ASZ1: variants seen among roughly 807,000 people sequenced by gnomAD.
ASZ1 encodes the protein ankyrin repeat, SAM and basic leucine zipper domain-containing protein 1.
ASZ1 carries 67 observed loss-of-function variants against 61.8 expected under a neutral mutation model. That is an observed-to-expected ratio of 1.08 (90% CI 0.89 to 1.33). ASZ1 has a LOEUF of 1.33. ASZ1 is among the 40% of genes most tolerant of loss of function. The pLI is 0.00. For missense variants in ASZ1, 577 were observed against 554.5 expected (o/e 1.04, Z -0.41); for synonymous variants, 193 against 192.7 (o/e 1.00, Z -0.01).
At chr7:117,373,343 G>A (rs545513705) in intron 10 of ASZ1, among the ~76,000 whole-genome samples, 1 of 151,904 alleles carries the variant, frequency 6.6e-6, no homozygotes, top group Non-Finnish European at 1.5e-5. Context: ...CAAGTAGATG[G>A]GACTACAGGC....
chr7:117,370,526 A>G (rs1248881862), intron 10 of ASZ1, among the ~76,000 whole-genome samples: 1 of 152,206 alleles, frequency 6.6e-6, no homozygotes, highest in Admixed American at 6.6e-5. Context: ...AAGCCAATTT[A>G]CAGTAGAAAC....
chr7:117,421,608 A>G (rs1237517551), intron 3 of ASZ1, among the ~76,000 whole-genome samples: 1 of 152,230 alleles, frequency 6.6e-6, no homozygotes, highest in Non-Finnish European at 1.5e-5. Flanking sequence ...AAATTTATGT[A>G]AAATATATAA....
At chr7:117,421,407 G>T (rs1475924865) in intron 3 of ASZ1, among the ~76,000 whole-genome samples, 1 of 152,188 alleles carries the variant, frequency 6.6e-6, no homozygotes, top group Admixed American at 6.5e-5. Context: ...TAGAGACAAA[G>T]TCTCACTATG....
At chr7:117,381,728 G>A (rs939372630) in intron 8 of ASZ1, among the ~76,000 whole-genome samples, 7 of 152,236 alleles carry the variant, frequency 4.6e-5, no homozygotes, top group East Asian at 3.9e-4. Context: ...AAACATTAGA[G>A]CAAGAATCTG....
intron 10 of ASZ1, among the ~76,000 whole-genome samples, chr7:117,374,437 C>T (rs1399726926): frequency 6.6e-6 from 1 of 152,126 alleles, no homozygotes; most frequent in Admixed American, 6.5e-5. Context: ...ATTCTGATAA[C>T]TTAGCCAGGT....
chr7:117,370,364 C>T (rs17139754), intron 10 of ASZ1, among the ~76,000 whole-genome samples: 3,466 of 152,074 alleles, frequency 0.023, 131 homozygotes, highest in African/African-American at 0.079. Flanking sequence ...CTAAAGGAAA[C>T]GTAGCCTGAG....
At chr7:117,373,091 A>C (rs1481935255) in intron 10 of ASZ1, among the ~76,000 whole-genome samples, 1 of 152,130 alleles carries the variant, frequency 6.6e-6, no homozygotes, top group African/African-American at 2.4e-5. Context: ...CATAGTTTTG[A>C]GATGCTTCTG....
At position 117,383,041 on chromosome 7, in the gene ASZ1, T is replaced by C. The variant is rs777369831; in HGVS notation, c.757A>G (p.Thr253Ala). The change falls in exon 7 of 13, where the codon ACT (threonine) becomes GCT (alanine). Residue 253 changes from threonine to alanine, a missense_variant. Transcript: ENST00000284629. ...GKLQQLTKED[T>A]ICKILTTDSD... ...TCTGTTGTCAATATTTTACAAATAG[T>C]GTCTTCTTTAGTTAGCTGTTGAAGT... 2.5e-6 allele frequency: 4 copies of C among 1,590,394 alleles called. No homozygotes were observed. The highest frequency in any genetic ancestry group is 3.4e-6 in the Non-Finnish European group (4 of 1,170,372).
intron 4 of ASZ1, among the ~76,000 whole-genome samples, chr7:117,393,731 C>G (rs1278056482): frequency 6.6e-6 from 1 of 152,120 alleles, no homozygotes; most frequent in Non-Finnish European, 1.5e-5. Flanking sequence ...ATTAATATGG[C>G]TGGACTTATT....
Position 117,383,804 on chromosome 7 carries a change from T to C in ASZ1, c.688-694A>G, listed in dbSNP as rs558264451. 2.0e-5 allele frequency among the ~76,000 whole-genome samples: 3 copies of C among 152,164 alleles called. No homozygotes were observed. The East Asian group carries it at 5.8e-4, about 29-fold the overall frequency. On this transcript the variant is annotated intron_variant, in intron 6 of 12. Coordinates refer to ENST00000284629, the MANE Select transcript of ASZ1 (RefSeq NM_130768.3). The stretch of plus-strand genomic sequence containing the variant: ...CTCTACATTTAACAATGTAATAAAA[T>C]AATTTTAAGTTTTTGAATTTTCAAA...
At chr7:117,425,124 A>G (rs1035221775) in intron 2 of ASZ1, among the ~76,000 whole-genome samples, 1 of 152,232 alleles carries the variant, frequency 6.6e-6, no homozygotes, top group African/African-American at 2.4e-5. Flanking sequence ...ATTCTAGCAT[A>G]GAAGAAAAAC....
At chr7:117,411,118 G>C (rs1796881360) in intron 4 of ASZ1, among the ~76,000 whole-genome samples, 2 of 151,730 alleles carry the variant, frequency 1.3e-5, no homozygotes, top group Admixed American at 1.3e-4. Flanking sequence ...TGAAAAATTA[G>C]TGCCAAGAGC....
At chr7:117,397,226 G>A (rs1207305348) in intron 4 of ASZ1, among the ~76,000 whole-genome samples, 3 of 151,624 alleles carry the variant, frequency 2.0e-5, no homozygotes, top group African/African-American at 7.3e-5. Flanking sequence ...GAACCGAACC[G>A]AACCGAACCG....
At chr7:117,417,102 C>A (rs900510782) in intron 4 of ASZ1, among the ~76,000 whole-genome samples, 10 of 152,024 alleles carry the variant, frequency 6.6e-5, no homozygotes, top group African/African-American at 2.4e-4. Context: ...GAAACTGAGA[C>A]TTCAATCTCA....
chr7:117,422,180 T>C, intron 3 of ASZ1, 57 bp downstream of exon 3: 1 of 1,569,110 alleles, frequency 6.4e-7, no homozygotes, highest in East Asian at 2.2e-5. Flanking sequence ...TAATAGCTAC[T>C]TGGAAACCAA....
At chr7:117,368,784 G>T (rs1220323247) in intron 10 of ASZ1, 67 bp from the exon 11 acceptor site, 2 of 1,588,448 alleles carry the variant, frequency 1.3e-6, no homozygotes, top group African/African-American at 2.7e-5. Flanking sequence ...ATTCTACTAG[G>T]CAAGTTACTG....
intron 12 of ASZ1, among the ~76,000 whole-genome samples, chr7:117,364,796 A>G (rs1030592863): frequency 1.3e-5 from 2 of 152,178 alleles, no homozygotes; most frequent in Non-Finnish European, 2.9e-5. Flanking sequence ...TCATTCAGCA[A>G]CAGATTCCTT....
chr7:117,388,618 A>G (rs1028134764), intron 4 of ASZ1, among the ~76,000 whole-genome samples: 1 of 152,200 alleles, frequency 6.6e-6, no homozygotes, highest in Non-Finnish European at 1.5e-5. Flanking sequence ...ACACTCAGCA[A>G]CATAGGAATA....
chr7:117,393,211 G>A (rs555512627), intron 4 of ASZ1, among the ~76,000 whole-genome samples: 24 of 151,964 alleles, frequency 1.6e-4, no homozygotes, highest in Non-Finnish European at 3.1e-4. Flanking sequence ...AACTTCTGTT[G>A]AAAATAATCC....
Sources: allele counts gnomAD v4.1 joint callset (sites outside exome capture counted in the v4.1 genomes callset), GRCh38; gene constraint gnomAD v4.1.1; transcripts MANE v1.5; gene names NCBI Gene and HGNC (gene_info 2026-07-23, HGNC 2026-07-21).